Variants in ERBB4 observed in about 807,000 individuals in gnomAD.
ERBB4 encodes receptor tyrosine-protein kinase erbB-4.
A neutral mutation model predicts 158.0 loss-of-function variants in ERBB4; 42 were observed. The ratio of observed to expected loss-of-function variants is 0.27; its 90% CI spans 0.21 to 0.34. The LOEUF (loss-of-function observed/expected upper bound fraction) is 0.34, where lower values mean the gene tolerates loss of function less well. ERBB4 is among the 10% of genes least tolerant of loss of function. ERBB4 has a pLI of 1.00. For synonymous variants in ERBB4, 583 were observed against 558.7 expected (o/e 1.04, Z -0.61); for missense variants, 1,333 against 1,624.1 (o/e 0.82, Z 3.08).
chr2:211,498,592 T>A (rs934806154), intron 20 of ERBB4, among the ~76,000 whole-genome samples: 3 of 152,158 alleles, frequency 2.0e-5, no homozygotes, highest in Non-Finnish European at 2.9e-5. Context: ...TAGGACCATT[T>A]TTTCAAACAT....
Position 211,505,972 on chromosome 2 carries a change from A to AT in ERBB4, c.2487+55930_2487+55931insA, listed in dbSNP as rs1289788724. ...GAGACTCCATCTCAAAAAAAAAAAA[A>AT]AAAAGTTATAGACAGGTAAACTGGA... On this transcript the variant is annotated intron_variant, in intron 20 of 27. Coordinates refer to ENST00000342788, the MANE Select transcript of ERBB4 (RefSeq NM_005235.3). Among the ~76,000 whole-genome samples, 569 of 151,572 alleles carry AT rather than the reference A, an allele frequency of 3.8e-3. 4 individuals carry two copies. Among genetic ancestry groups the AT allele is most frequent in the African/African-American group, 0.013 (544 of 41,164 alleles).
intron 25 of ERBB4, among the ~76,000 whole-genome samples, chr2:211,404,660 T>C (rs972687268): frequency 1.3e-5 from 2 of 152,108 alleles, no homozygotes; most frequent in African/African-American, 2.4e-5. Flanking sequence ...GTTTGTGTAG[T>C]TGGTGAGTCA....
chr2:211,452,689 T>C (rs2064279490), intron 20 of ERBB4, among the ~76,000 whole-genome samples: 1 of 152,206 alleles, frequency 6.6e-6, no homozygotes, highest in African/African-American at 2.4e-5. Context: ...ATATAAATAT[T>C]ACCAGATAAT....
At chr2:212,399,537 T>TATAC (rs1338708169) in intron 1 of ERBB4, among the ~76,000 whole-genome samples, 23 of 17,820 alleles carry the variant, frequency 1.3e-3, no homozygotes, top group African/African-American at 9.0e-3. Flanking sequence ...ATATATATTT[T>TATAC]ATATATACAT....
intron 1 of ERBB4, among the ~76,000 whole-genome samples, chr2:212,301,365 CT>C (rs1357971295): frequency 2.6e-5 from 4 of 151,216 alleles, no homozygotes; most frequent in Non-Finnish European, 5.9e-5. Flanking sequence ...AATGTATAAC[CT>C]GAAAATTTTA....
intron 1 of ERBB4, among the ~76,000 whole-genome samples, chr2:212,462,360 C>T (rs72935338): frequency 0.16 from 24,114 of 152,128 alleles, 2,477 homozygotes; most frequent in Non-Finnish European, 0.24. Flanking sequence ...ATTCATCTGT[C>T]AGGGACTAAT....
At chr2:211,982,925 C>T (rs1395382232) in intron 2 of ERBB4, among the ~76,000 whole-genome samples, 1 of 152,142 alleles carries the variant, frequency 6.6e-6, no homozygotes, top group African/African-American at 2.4e-5. Context: ...GTATGTCTAT[C>T]CTTTACAATG....
chr2:212,361,369 G>C (rs1377876320), intron 1 of ERBB4, among the ~76,000 whole-genome samples: 1 of 151,570 alleles, frequency 6.6e-6, no homozygotes, highest in Non-Finnish European at 1.5e-5. Flanking sequence ...TGACATCTTT[G>C]AAAGCTGACA....
At chr2:211,882,380 TTTTTTA>T (rs1575310131) in intron 3 of ERBB4, among the ~76,000 whole-genome samples, 1 of 152,156 alleles carries the variant, frequency 6.6e-6, no homozygotes, top group Admixed American at 6.5e-5. Context: ...AAAGTTTACA[TTTTTTA>T]TTTTTATCTT....
chr2:212,229,783 T>C (rs1216525580), intron 1 of ERBB4, among the ~76,000 whole-genome samples: 1 of 152,192 alleles, frequency 6.6e-6, no homozygotes, highest in Non-Finnish European at 1.5e-5. Context: ...TTTTACAGTA[T>C]TTAATGTTTG....
intron 3 of ERBB4, among the ~76,000 whole-genome samples, chr2:211,878,663 T>TTTTTG (rs1553653669): frequency 6.7e-6 from 1 of 148,452 alleles, no homozygotes; most frequent in Admixed American, 6.7e-5. Context: ...TTTTGTTTTT[T>TTTTTG]TTTTTTTCCT....
chr2:211,835,871 G>A (rs1173269787), intron 3 of ERBB4, among the ~76,000 whole-genome samples: 2 of 151,994 alleles, frequency 1.3e-5, no homozygotes, highest in Non-Finnish European at 1.5e-5. Flanking sequence ...CCTGACCTAC[G>A]AGAAATGTGG....
At chr2:211,666,161 C>T (rs1436579369) in intron 14 of ERBB4, among the ~76,000 whole-genome samples, 2 of 152,034 alleles carry the variant, frequency 1.3e-5, no homozygotes, top group African/African-American at 4.8e-5. Flanking sequence ...TTCATATCCA[C>T]TGTGAAAACA....
intron 3 of ERBB4, among the ~76,000 whole-genome samples, chr2:211,791,392 C>G (rs192791876): frequency 2.0e-5 from 3 of 151,954 alleles, no homozygotes; most frequent in Admixed American, 6.6e-5. Context: ...TACCAACCAA[C>G]AGTTTCCCCC....
intron 1 of ERBB4, among the ~76,000 whole-genome samples, chr2:212,472,595 T>C (rs745995202): frequency 1.6e-4 from 24 of 151,778 alleles, no homozygotes; most frequent in Non-Finnish European, 3.4e-4. Flanking sequence ...GTAGAAAGTA[T>C]ATAATTGGAA....
At chr2:211,602,744 T>C (rs1289785880) in intron 19 of ERBB4, among the ~76,000 whole-genome samples, 2 of 152,146 alleles carry the variant, frequency 1.3e-5, no homozygotes, top group East Asian at 1.9e-4. Flanking sequence ...ACTACAGATA[T>C]ACTTTCAGTG....
At position 211,633,482 on chromosome 2, in the gene ERBB4, AT is replaced by A. The variant is rs3068983; in HGVS notation, c.1947-2889del. Among the ~76,000 whole-genome samples the A allele has an allele frequency of 1.0e-2, 1,266 of 127,222 alleles. 20 individuals are homozygous for A. The highest frequency in any genetic ancestry group is 0.034 in the African/African-American group (1,178 of 34,514). 83.5% of individuals were successfully genotyped at this position (127,222 alleles called of 152,430 possible). On this transcript the variant is annotated intron_variant, in intron 16 of 27. Transcript: ENST00000342788. The stretch of plus-strand genomic sequence containing the variant: ...TATTTTTACTAATTTGTATTTTCTA[AT>A]TTTTTTTTTTTTTTTTTTTAAATTC...
intron 1 of ERBB4, among the ~76,000 whole-genome samples, chr2:212,173,362 C>G (rs939664): frequency 0.63 from 94,989 of 151,924 alleles, 31,036 homozygotes; most frequent in African/African-American, 0.73. Context: ...GTAAGCCCTG[C>G]AGCTAGGGAA....
At chr2:212,263,473 A>G (rs1344959112) in intron 1 of ERBB4, among the ~76,000 whole-genome samples, 3 of 152,056 alleles carry the variant, frequency 2.0e-5, no homozygotes, top group South Asian at 4.1e-4. Flanking sequence ...CAGCAAAAAT[A>G]TTTTCACAGC....
Sources: allele counts gnomAD v4.1 joint callset (sites outside exome capture counted in the v4.1 genomes callset), GRCh38; gene constraint gnomAD v4.1.1; transcripts MANE v1.5; gene names NCBI Gene and HGNC (gene_info 2026-07-23, HGNC 2026-07-21).